The following SLIT1 variants were observed in gnomAD, a reference collection of about 807,000 sequenced individuals.
SLIT1 encodes the protein slit guidance ligand 1.
Under a neutral mutation model 186.1 loss-of-function variants are expected in SLIT1, and 66 were observed. That is an observed-to-expected ratio of 0.35 (90% CI 0.29 to 0.44). The LOEUF (loss-of-function observed/expected upper bound fraction) is 0.44. Among genes scored for constraint, SLIT1 ranks in the 20% least tolerant of loss-of-function variants. The probability of loss-of-function intolerance (pLI) is 1.00; values close to 1 mark genes in which losing one functional copy is unlikely to be tolerated. For synonymous variants in SLIT1, 761 were observed against 833.8 expected (o/e 0.91, Z 1.50); for missense variants, 1,638 against 2,037.4 (o/e 0.80, Z 3.77).
intron 8 of SLIT1, 105 bp from the exon 9 acceptor site, chr10:97,060,892 C>T (rs1848888714): frequency 7.9e-7 from 1 of 1,261,466 alleles, no homozygotes; most frequent in South Asian, 1.6e-5. Context: ...GGCAGTTTCT[C>T]TCGATAAGGA....
chr10:97,020,067 T>C (rs1467475653), intron 26 of SLIT1, among the ~76,000 whole-genome samples: 2 of 152,004 alleles, frequency 1.3e-5, no homozygotes, highest in African/African-American at 2.4e-5. Context: ...TTCAACTTCC[T>C]GGGCTCAAGC....
At chr10:97,172,266 C>T (rs913430770) in intron 1 of SLIT1, among the ~76,000 whole-genome samples, 1 of 151,992 alleles carries the variant, frequency 6.6e-6, no homozygotes, top group Admixed American at 6.6e-5. Context: ...GGCTGATCTC[C>T]AACTCCTGAC....
Position 97,001,137 on chromosome 10 carries a change from TTGG to T in SLIT1, c.4577_4579del (p.Thr1526del), listed in dbSNP as rs1258290683. 6.2e-7 allele frequency: 1 copy of T among 1,613,078 alleles called. No individual in the cohort carries two copies. The highest frequency in any genetic ancestry group is 1.1e-5 in the South Asian group (1 of 91,088). On this transcript the variant is annotated inframe_deletion, in exon 37 of 37. Transcript: ENST00000266058. ...CTATGCGCAGAGGGCACAGCCACAC[TTGG>T]TGGGCTTTTCCACCTCCTCGGCAAA...
Position 97,043,342 on chromosome 10 carries a change from G to A in SLIT1, c.1997+28C>T, listed in dbSNP as rs754653279. On this transcript the variant is annotated intron_variant, in intron 19 of 36. Coordinates refer to ENST00000266058, the MANE Select transcript of SLIT1 (RefSeq NM_003061.3). This position sits in a 1 kb window ranked among gnomAD's most constrained non-coding sequence, Gnocchi z 7.0. Reference sequence around the variant, plus strand: ...TTGGGACGGTTGCTCCAGAGCCCCCGCCCGCCTGTCCTGGAGGCCGGACTC... The same window carrying A: ...TTGGGACGGTTGCTCCAGAGCCCCCACCCGCCTGTCCTGGAGGCCGGACTC... 2.0e-5 allele frequency: 33 copies of A among 1,612,122 alleles called. No individual in the cohort carries two copies. The highest frequency in any genetic ancestry group is 1.3e-4 in the Admixed American group (8 of 59,984).
chr10:97,031,552 C>G, intron 24 of SLIT1, 54 bp downstream of exon 24: 1 of 1,421,436 alleles, frequency 7.0e-7, no homozygotes, highest in South Asian at 1.3e-5. Flanking sequence ...AGGTGGGTGG[C>G]AGGACCCTCA....
intron 4 of SLIT1, among the ~76,000 whole-genome samples, chr10:97,105,474 G>A (rs1233684920): frequency 6.6e-6 from 1 of 152,218 alleles, no homozygotes; most frequent in Non-Finnish European, 1.5e-5. Flanking sequence ...CAGTGGCAGG[G>A]AGCACTCTGG....
chr10:97,047,214 G>C, intron 16 of SLIT1, 149 bp from the exon 17 acceptor site: 1 of 631,348 alleles, frequency 1.6e-6, no homozygotes. Flanking sequence ...AAGGAAGGCT[G>C]GGCCTAGTAC....
At chr10:97,064,319 G>T in intron 6 of SLIT1, 80 bp from the exon 7 acceptor site, 1 of 1,193,688 alleles carries the variant, frequency 8.4e-7, no homozygotes, top group Non-Finnish European at 1.2e-6. Flanking sequence ...CTAACGAACA[G>T]GGAGGCTCTC....
At chr10:97,059,162 G>A (rs769350207) in intron 11 of SLIT1, among the ~76,000 whole-genome samples, 7 of 152,228 alleles carry the variant, frequency 4.6e-5, no homozygotes, top group Non-Finnish European at 8.8e-5. Flanking sequence ...AAAGAATGCT[G>A]GGAAAATCCT....
chr10:97,038,752 G>A (rs1848664150), intron 21 of SLIT1, among the ~76,000 whole-genome samples: 1 of 152,138 alleles, frequency 6.6e-6, no homozygotes, highest in African/African-American at 2.4e-5. Context: ...GGAGGGCTGT[G>A]CTCATCCTTA....
intron 4 of SLIT1, among the ~76,000 whole-genome samples, chr10:97,122,312 A>G (rs897698054): frequency 1.3e-5 from 2 of 152,210 alleles, no homozygotes; most frequent in South Asian, 4.1e-4. Context: ...TTCAACAAAC[A>G]TTTACTGAAT....
At chr10:97,127,680 G>A (rs71486109) in intron 4 of SLIT1, among the ~76,000 whole-genome samples, 11,804 of 152,250 alleles carry the variant, frequency 0.078, 586 homozygotes, top group Middle Eastern at 0.13. Flanking sequence ...GGGATCATGC[G>A]TAGTCACATG....
chr10:97,029,264 C>T (rs1250063121), intron 25 of SLIT1, among the ~76,000 whole-genome samples: 4 of 152,204 alleles, frequency 2.6e-5, no homozygotes, highest in African/African-American at 9.7e-5. Context: ...TAAATATACA[C>T]TCTGGTTTTA....
chr10:97,107,033 G>A (rs1849421430), intron 4 of SLIT1, among the ~76,000 whole-genome samples: 2 of 152,264 alleles, frequency 1.3e-5, no homozygotes, highest in South Asian at 4.1e-4. Context: ...CTGTACAGCA[G>A]TGACTCTGAG....
Position 97,022,215 on chromosome 10 carries a change from T to C in SLIT1, c.2583-802A>G, listed in dbSNP as rs1210326007. On this transcript the variant is annotated intron_variant, in intron 25 of 36. Transcript: ENST00000266058. The surrounding 1 kb of genome is among the most constrained non-coding windows in gnomAD (Gnocchi z 4.2). The stretch of plus-strand genomic sequence containing the variant: ...CCTCCCATGGAATAAGTAATTTCCC[T>C]GGGGTCACACAACTAGCTAAGGGCA... Among the ~76,000 whole-genome samples the C allele has an allele frequency of 6.6e-6, 1 of 152,230 alleles. No homozygotes were observed. Among genetic ancestry groups the C allele is most frequent in the Non-Finnish European group, 1.5e-5 (1 of 68,042 alleles).
At chr10:97,039,234 G>GTCAGAGT (rs1221603653) in intron 21 of SLIT1, among the ~76,000 whole-genome samples, 1 of 152,210 alleles carries the variant, frequency 6.6e-6, no homozygotes, top group African/African-American at 2.4e-5. Context: ...GAGGTCAGAG[G>GTCAGAGT]TCAGGAGCTG....
chr10:97,015,756 G>T (rs1337919376), intron 28 of SLIT1, among the ~76,000 whole-genome samples: 1 of 152,156 alleles, frequency 6.6e-6, no homozygotes, highest in Non-Finnish European at 1.5e-5. Flanking sequence ...ATAACTCGCT[G>T]CAAAAGAAAC....
At chr10:97,175,613 C>A (rs1285279407) in intron 1 of SLIT1, among the ~76,000 whole-genome samples, 1 of 152,136 alleles carries the variant, frequency 6.6e-6, no homozygotes, top group Non-Finnish European at 1.5e-5. Flanking sequence ...AATCCCAACT[C>A]CATAGGATTC....
intron 24 of SLIT1, among the ~76,000 whole-genome samples, chr10:97,031,401 C>T (rs1391651723): frequency 6.6e-6 from 1 of 152,232 alleles, no homozygotes; most frequent in African/African-American, 2.4e-5. Flanking sequence ...GGGGTGACAG[C>T]AACCCCCATT....
Sources: gnomAD v4.1 joint callset for allele counts (sites outside exome capture counted in the v4.1 genomes callset) on GRCh38, gnomAD v4.1.1 for gene constraint, Gnocchi (gnomAD v3.1) non-coding constraint, MANE v1.5 for transcripts, NCBI Gene and HGNC (gene_info 2026-07-23, HGNC 2026-07-21) for gene names.